The following PCDH9 variants were observed in gnomAD, a reference collection of about 807,000 sequenced individuals.
PCDH9 encodes protocadherin 9.
PCDH9 carries 24 observed loss-of-function variants against 70.6 expected under a neutral mutation model. The ratio of observed to expected loss-of-function variants is 0.34; its 90% CI spans 0.25 to 0.48. The LOEUF (loss-of-function observed/expected upper bound fraction) is 0.48. Among genes scored for constraint, PCDH9 ranks in the 20% least tolerant of loss-of-function variants. The probability of loss-of-function intolerance (pLI) is 0.99; values close to 1 mark genes in which losing one functional copy is unlikely to be tolerated. For synonymous variants in PCDH9, 562 were observed against 558.5 expected, an observed-to-expected ratio of 1.01 and a Z score of -0.09; for missense variants, 1,281 against 1,503.6, an observed-to-expected ratio of 0.85 and a Z score of 2.45.
At position 66,339,293 on chromosome 13, in the gene PCDH9, G is replaced by A. The variant is rs141343574; in HGVS notation, c.3341-34265C>T. ...CTTAATTATCAGTATTCTTAAATAG[G>A]AGAATACCCATTTTTAAGACATTAC... On this transcript the variant is annotated intron_variant, in intron 4 of 4. Coordinates refer to ENST00000377865, the MANE Select transcript of PCDH9 (RefSeq NM_203487.3). 3.4e-3 allele frequency among the ~76,000 whole-genome samples: 513 copies of A among 152,018 alleles called. 5 individuals carry two copies. Among genetic ancestry groups the A allele is most frequent in the African/African-American group, 0.012 (488 of 41,476 alleles).
intron 4 of PCDH9, among the ~76,000 whole-genome samples, chr13:66,470,090 T>C (rs565355064): frequency 6.6e-6 from 1 of 152,330 alleles, no homozygotes; most frequent in East Asian, 1.9e-4. Flanking sequence ...GGAATGATTT[T>C]GTTCTTGGTA....
At chr13:66,608,651 C>T (rs887540258) in intron 4 of PCDH9, among the ~76,000 whole-genome samples, 15 of 151,562 alleles carry the variant, frequency 9.9e-5, no homozygotes, top group Admixed American at 7.9e-4. Flanking sequence ...TAGAAGATGG[C>T]TCTATCAAAC....
chr13:66,809,191 A>G (rs1323786180), intron 3 of PCDH9, among the ~76,000 whole-genome samples: 3 of 151,982 alleles, frequency 2.0e-5, no homozygotes, highest in African/African-American at 7.3e-5. Flanking sequence ...CTCGTGATCC[A>G]CCCGTCTCGG....
At chr13:66,667,325 G>A (rs764337210) in intron 3 of PCDH9, among the ~76,000 whole-genome samples, 21 of 152,090 alleles carry the variant, frequency 1.4e-4, no homozygotes, top group Non-Finnish European at 2.2e-4. Flanking sequence ...TGAGAGTCTC[G>A]TTATTTCTAA....
rs144783474 is a variant in PCDH9 at position 66,747,106 on chromosome 13, C to T, written c.3139-115695G>A. Among the ~76,000 whole-genome samples, 1,137 of 152,240 alleles carry T rather than the reference C, an allele frequency of 7.5e-3. 14 individuals carry two copies. The highest frequency in any genetic ancestry group is 0.048 in the Middle Eastern group (14 of 294). ...GTGGCCCATGCCTGTAATCCCAGCG[C>T]CTTGGGAGGCAGAGGCGGGTGGATC... On this transcript the variant is annotated intron_variant, in intron 3 of 4. Coordinates refer to ENST00000377865, the MANE Select transcript of PCDH9 (RefSeq NM_203487.3).
intron 4 of PCDH9, among the ~76,000 whole-genome samples, chr13:66,478,577 G>T (rs1958775758): frequency 6.6e-6 from 1 of 152,150 alleles, no homozygotes; most frequent in East Asian, 1.9e-4. Context: ...ACTGAAACAG[G>T]CCTATTGCTG....
intron 4 of PCDH9, among the ~76,000 whole-genome samples, chr13:66,386,123 AT>A (rs1301488651): frequency 6.6e-6 from 1 of 152,096 alleles, no homozygotes; most frequent in Non-Finnish European, 1.5e-5. Context: ...GATGTTGCAT[AT>A]TATCCGTTAG....
chr13:66,865,567 G>T (rs2081558995), intron 3 of PCDH9, among the ~76,000 whole-genome samples: 1 of 152,144 alleles, frequency 6.6e-6, no homozygotes, highest in Non-Finnish European at 1.5e-5. Context: ...AGAAGTATTA[G>T]ATAATAGACA....
Position 67,033,844 on chromosome 13 carries a change from T to A in PCDH9, c.3037-130239A>T, listed in dbSNP as rs560940197. On this transcript the variant is annotated intron_variant, in intron 2 of 4. Transcript: ENST00000377865. ...TCAACATTCTTTGAAGGGTTGGTGCTCACTTCAAGTTAGCAATGGTAAACA... is the reference window on the plus strand; with the variant it reads ...TCAACATTCTTTGAAGGGTTGGTGCACACTTCAAGTTAGCAATGGTAAACA... 2.6e-5 allele frequency among the ~76,000 whole-genome samples: 4 copies of A among 152,302 alleles called. 1 individual carries two copies. The South Asian group carries it at 8.3e-4, about 32-fold the overall frequency.
intron 2 of PCDH9, among the ~76,000 whole-genome samples, chr13:67,138,372 A>T (rs1695844988): frequency 6.6e-6 from 1 of 152,166 alleles, no homozygotes; most frequent in Admixed American, 6.6e-5. Flanking sequence ...TATTAAAAAT[A>T]TTATTATAAC....
At chr13:66,738,151 G>A (rs532112647) in intron 3 of PCDH9, among the ~76,000 whole-genome samples, 45 of 152,178 alleles carry the variant, frequency 3.0e-4, no homozygotes, top group African/African-American at 9.6e-4. Context: ...ATCTGAGAAC[G>A]GGCAGACGGC....
At chr13:66,923,055 C>T (rs1034243096) in intron 2 of PCDH9, among the ~76,000 whole-genome samples, 2 of 151,078 alleles carry the variant, frequency 1.3e-5, no homozygotes, top group Admixed American at 6.6e-5. Flanking sequence ...AAATAAAACA[C>T]GGTTAACATA....
At chr13:66,686,120 C>T (rs1477118056) in intron 3 of PCDH9, among the ~76,000 whole-genome samples, 1 of 152,092 alleles carries the variant, frequency 6.6e-6, no homozygotes, top group Non-Finnish European at 1.5e-5. Context: ...TATGGTTTGC[C>T]TGTGTCCCCA....
At chr13:67,084,966 CAAAAAAAAAAAA>C (rs1158690945) in intron 2 of PCDH9, among the ~76,000 whole-genome samples, 21 of 41,444 alleles carry the variant, frequency 5.1e-4, no homozygotes, top group Non-Finnish European at 5.0e-4. Context: ...GATGCTGTCT[CAAAAAAAAAAAA>C]AAAAAAAAAA....
intron 2 of PCDH9, among the ~76,000 whole-genome samples, chr13:67,103,362 A>T (rs576231762): frequency 6.6e-6 from 1 of 152,294 alleles, no homozygotes; most frequent in Admixed American, 6.5e-5. Context: ...TATAAACTGA[A>T]AGGCTTTAAA....
intron 2 of PCDH9, among the ~76,000 whole-genome samples, chr13:66,964,435 C>A (rs999270374): frequency 4.6e-5 from 7 of 151,986 alleles, no homozygotes; most frequent in Admixed American, 4.6e-4. Flanking sequence ...TGACCCAAAG[C>A]TATTGCATTC....
intron 4 of PCDH9, among the ~76,000 whole-genome samples, chr13:66,619,882 TA>T (rs1404571258): frequency 1.3e-5 from 2 of 152,150 alleles, no homozygotes; most frequent in Non-Finnish European, 2.9e-5. Flanking sequence ...ATTTCTTTCT[TA>T]ACCTACTTCT....
chr13:67,108,466 A>C (rs1461917116), intron 2 of PCDH9, among the ~76,000 whole-genome samples: 1 of 152,142 alleles, frequency 6.6e-6, no homozygotes, highest in East Asian at 1.9e-4. Flanking sequence ...ACATTAAAAA[A>C]CTCATGACAA....
chr13:66,548,718 C>A (rs1479404724), intron 4 of PCDH9, among the ~76,000 whole-genome samples: 2 of 152,000 alleles, frequency 1.3e-5, no homozygotes, highest in African/African-American at 4.8e-5. Context: ...AATAGAGTTT[C>A]ATTTTCATGA....
Sources: allele counts gnomAD v4.1 joint callset (sites outside exome capture counted in the v4.1 genomes callset), GRCh38; gene constraint gnomAD v4.1.1; transcripts MANE v1.5; gene names NCBI Gene and HGNC (gene_info 2026-07-23, HGNC 2026-07-21).